Variants in DEF8 observed in about 807,000 individuals in gnomAD.
DEF8 encodes the protein DEF-8.
DEF8 carries 38 observed loss-of-function variants against 59.1 expected under a neutral mutation model. The ratio of observed to expected loss-of-function variants is 0.64; its 90% confidence interval spans 0.50 to 0.84. The LOEUF is 0.84. Among genes scored for constraint, DEF8 ranks in the 40% least tolerant of loss-of-function variants. DEF8 has a pLI of 0.00. For missense variants in DEF8, 557 were observed against 615.2 expected, an observed-to-expected ratio of 0.91 and a Z score of 1.00; for synonymous variants, 265 against 250.1, an observed-to-expected ratio of 1.06 and a Z score of -0.56.
Position 89,959,153 on chromosome 16 carries a change from C to G in DEF8, c.512C>G (p.Thr171Arg), listed in dbSNP as rs1332427569. 24 of 1,613,924 alleles carry G rather than the reference C, an allele frequency of 1.5e-5. No homozygotes were observed. Among genetic ancestry groups the G allele is most frequent in the Non-Finnish European group, 2.0e-5 (24 of 1,180,032 alleles). The change falls in exon 6 of 13, where the codon ACA becomes AGA. Residue 171 changes from threonine to arginine, a missense_variant and splice_region_variant. Transcript: ENST00000563594. ...WGLIQTWYTC[T>R]GCYYRCHSKC... is the part of the protein sequence containing the mutation. ...CTCATTCAGACCTGGTACACCTGCA[C>G]AGGTGGGCCGAGACCCAGACGAGGA...
Position 89,961,912 on chromosome 16 carries a change from AG to A in DEF8, c.807+53del, listed in dbSNP as rs753451770. The A allele has an allele frequency of 1.1e-5, 17 of 1,591,360 alleles. No homozygotes were observed. In the South Asian group the frequency reaches 1.9e-4, roughly 18 times the overall value. ...ATCCCCCTGGGGAGGGAGAGCAGGAAGGGGGTTGGGGTGTGGAGCCGGTGTA... is the reference window on the plus strand; with the variant it reads ...ATCCCCCTGGGGAGGGAGAGCAGGAAGGGGTTGGGGTGTGGAGCCGGTGTA... On this transcript the variant is annotated intron_variant, in intron 8 of 12. Coordinates refer to ENST00000563594, the MANE Select transcript of DEF8 (RefSeq NM_001242818.2).
intron 2 of DEF8, among the ~76,000 whole-genome samples, chr16:89,953,531 G>C (rs547222320): frequency 4.6e-5 from 7 of 152,286 alleles, no homozygotes; most frequent in Non-Finnish European, 7.4e-5. Context: ...CCGTGGGCCT[G>C]GTTCAGGTCG....
chr16:89,958,491 T>A (rs7192275), intron 5 of DEF8: 10,618 of 165,750 alleles, frequency 0.064, 470 homozygotes, highest in East Asian at 0.24. Flanking sequence ...CTGATTCAGG[T>A]ATCCCTGGGA....
At chr16:89,950,079 C>A in intron 2 of DEF8, 1 of 993,040 alleles carries the variant, frequency 1.0e-6, no homozygotes, top group Non-Finnish European at 1.2e-6. Flanking sequence ...CGGAGGAGAG[C>A]TGGTAGCCTA....
Position 89,956,022 on chromosome 16 carries a change from G to A in DEF8, c.222+756G>A, listed in dbSNP as rs930139613. Among the ~76,000 whole-genome samples, 15 of 152,210 alleles carry A rather than the reference G, an allele frequency of 9.9e-5. 1 individual carries two copies. The highest frequency in any genetic ancestry group is 8.5e-4 in the Admixed American group (13 of 15,290). On this transcript the variant is annotated intron_variant, in intron 4 of 12. Transcript: ENST00000563594. ...TAGGAGGCAGAGTTTGCAGTGAGCCGAGACTGCGCCACTGCACTCCAGCCT... is the reference window on the plus strand; with the variant it reads ...TAGGAGGCAGAGTTTGCAGTGAGCCAAGACTGCGCCACTGCACTCCAGCCT...
intron 7 of DEF8, 53 bp downstream of exon 7, chr16:89,961,148 C>A: frequency 6.3e-7 from 1 of 1,581,668 alleles, no homozygotes; most frequent in South Asian, 1.1e-5. Context: ...TGGCGGGGAG[C>A]CGGGTGCACA....
chr16:89,962,739 C>T (rs1245194189), intron 9 of DEF8, among the ~76,000 whole-genome samples: 1 of 152,286 alleles, frequency 6.6e-6, no homozygotes, highest in Non-Finnish European at 1.5e-5. Context: ...GTTATTTCAA[C>T]ATGAAATCAA....
chr16:89,964,715 G>A, intron 12 of DEF8, 140 bp downstream of exon 12: 1 of 640,576 alleles, frequency 1.6e-6, no homozygotes, highest in Non-Finnish European at 2.7e-6. Context: ...AAGACTCTTT[G>A]GGTCTTTGCT....
rs1051793288 is a variant in DEF8, at chr16:89,964,524, C to G, written c.1202C>G (p.Pro401Arg). The change falls in exon 12 of 13, where the codon CCG becomes CGG. Residue 401 changes from proline to arginine, a missense_variant. Pro to Arg is a moderately radical substitution (Grantham distance 103). Transcript: ENST00000563594. Reference protein sequence around the residue: ...ELCREGDVLFPFDSHTSVCAD... With the variant: ...ELCREGDVLFRFDSHTSVCAD... ...TGCAGAGAGGGCGACGTGCTGTTCC[C>G]GTTCGACAGCCACACGTCTGTGTGC... 1 of 1,596,346 alleles carries G rather than the reference C, an allele frequency of 6.3e-7. No homozygotes were observed. Among genetic ancestry groups the G allele is most frequent in the South Asian group, 1.1e-5 (1 of 88,242 alleles).
chr16:89,949,873 A>G (rs992485190), intron 2 of DEF8, among the ~76,000 whole-genome samples: 2 of 152,064 alleles, frequency 1.3e-5, no homozygotes, highest in African/African-American at 4.8e-5. Context: ...TGGTGGGGTG[A>G]GCCTGGTGAG....
intron 12 of DEF8, among the ~76,000 whole-genome samples, 177 bp from the exon 13 acceptor site, chr16:89,965,684 G>T (rs2034546870): frequency 6.6e-6 from 1 of 152,138 alleles, no homozygotes; most frequent in African/African-American, 2.4e-5. Context: ...GTCCACATCT[G>T]CACGCCCGTA....
chr16:89,957,339 C>A, intron 4 of DEF8, 172 bp from the exon 5 acceptor site: 1 of 650,148 alleles, frequency 1.5e-6, no homozygotes, highest in Non-Finnish European at 2.5e-6. Context: ...GGACCTTGAC[C>A]GTGCTGCCAC....
Position 89,963,343 on chromosome 16 carries a change from T to C in DEF8, c.922-20T>C, listed in dbSNP as rs2034274394. 1.9e-6 allele frequency: 3 copies of C among 1,611,294 alleles called. No homozygotes were observed. The highest frequency in any genetic ancestry group is 2.5e-6 in the Non-Finnish European group (3 of 1,178,428). ...TGTGTCCTGGCTGAGGAGGCCTGCC[T>C]GCTCCCGCCTTGTTTGCAGAAGCTG... On this transcript the variant is annotated intron_variant, in intron 9 of 12. Transcript: ENST00000563594.
At chr16:89,960,239 G>C (rs1018133981) in intron 6 of DEF8, among the ~76,000 whole-genome samples, 1 of 152,272 alleles carries the variant, frequency 6.6e-6, no homozygotes, top group African/African-American at 2.4e-5. Flanking sequence ...GACTGAGAGG[G>C]AGGTGACTGA....
intron 8 of DEF8, 69 bp from the exon 9 acceptor site, chr16:89,961,940 CCCT>C: frequency 6.2e-7 from 1 of 1,605,448 alleles, no homozygotes; most frequent in Non-Finnish European, 8.5e-7. Flanking sequence ...GCCGGTGTAC[CCCT>C]GGTTGGGTGT....
chr16:89,950,423 G>A, intron 2 of DEF8: 1 of 843,284 alleles, frequency 1.2e-6, no homozygotes, highest in Non-Finnish European at 1.4e-6. Context: ...GAGTTTTGCT[G>A]TGTTGCCTAG....
Position 89,964,486 on chromosome 16 carries a change from CGT to C in DEF8, c.1170_1171del (p.Cys390Ter), listed in dbSNP as rs1567809313. The C allele has an allele frequency of 1.3e-6, 2 of 1,596,086 alleles. No homozygotes were observed. Among genetic ancestry groups the C allele is most frequent in the South Asian group, 2.3e-5 (2 of 88,202 alleles). On this transcript the variant is annotated frameshift_variant, in exon 12 of 13. Coordinates refer to ENST00000563594, the MANE Select transcript of DEF8 (RefSeq NM_001242818.2). LOFTEE classifies it high-confidence loss of function. ...CCCAGCGGTGCCAGGCCAAGGGCTT[CGT>C]GTGTGAGCTCTGCAGAGAGGGCGAC... Reference protein sequence around the residue: ...DCERCQAKGFVCELCREGDVL... With the variant: ...DCERCQAKGFXCELCREGDVL...
At chr16:89,964,829 C>G (rs2034470574) in intron 12 of DEF8, among the ~76,000 whole-genome samples, 1 of 152,230 alleles carries the variant, frequency 6.6e-6, no homozygotes, top group African/African-American at 2.4e-5. Flanking sequence ...CCAGGTCCCT[C>G]CCGGACCAGC....
chr16:89,967,273 G>A lies in DEF8; in HGVS notation c.*1310G>A, dbSNP rs946420917. 3 of 398,560 alleles carry A rather than the reference G, an allele frequency of 7.5e-6. No individual in the cohort carries two copies. The highest frequency in any genetic ancestry group is 1.3e-5 in the Non-Finnish European group (3 of 226,124). The allele number at this position is 398,560 out of a possible 1,614,324, so 24.7% of individuals were successfully genotyped here. The stretch of plus-strand genomic sequence containing the variant: ...CAGAGGGCAGAGAATGCCACTGCTT[G>A]GTTATTGGTCCCCTTTGACCAGGAA... On this transcript the variant is annotated 3_prime_UTR_variant, in exon 13 of 13. Transcript: ENST00000563594.
Sources: allele counts gnomAD v4.1 joint callset (sites outside exome capture counted in the v4.1 genomes callset), GRCh38; gene constraint gnomAD v4.1.1; transcripts MANE v1.5; gene names NCBI Gene and HGNC (gene_info 2026-07-23, HGNC 2026-07-21).